TRPC7: variants seen among roughly 807,000 people sequenced by gnomAD.
The protein encoded by TRPC7 is transient receptor potential cation channel subfamily C member 7.
A neutral mutation model predicts 90.1 loss-of-function variants in TRPC7; 42 were observed. The ratio of observed to expected loss-of-function variants is 0.47; its 90% CI spans 0.36 to 0.60. TRPC7 has a LOEUF of 0.60. TRPC7 is among the 20% of genes least tolerant of loss of function. The probability of loss-of-function intolerance (pLI) is 0.00; values close to 1 mark genes in which losing one functional copy is unlikely to be tolerated. For missense variants in TRPC7, 955 were observed against 1,112.3 expected, an observed-to-expected ratio of 0.86 and a Z score of 2.01; for synonymous variants, 451 against 436.3, an observed-to-expected ratio of 1.03 and a Z score of -0.42.
intron 2 of TRPC7, among the ~76,000 whole-genome samples, chr5:136,339,499 A>G (rs1759776443): frequency 6.6e-6 from 1 of 152,212 alleles, no homozygotes; most frequent in South Asian, 2.1e-4. Flanking sequence ...TTGGTCCTAT[A>G]GATAACATCA....
intron 3 of TRPC7, among the ~76,000 whole-genome samples, chr5:136,288,236 G>GAGAT (rs970439418): frequency 1.5e-4 from 23 of 152,120 alleles, no homozygotes; most frequent in African/African-American, 4.6e-4. Context: ...GTTAATATGT[G>GAGAT]AGATATCTTA....
At chr5:136,337,715 A>T (rs1489388279) in intron 2 of TRPC7, among the ~76,000 whole-genome samples, 1 of 152,092 alleles carries the variant, frequency 6.6e-6, no homozygotes, top group African/African-American at 2.4e-5. Context: ...CAAATTTCCA[A>T]TGTGCTATGA....
chr5:136,220,677 C>T (rs566513530), intron 10 of TRPC7, among the ~76,000 whole-genome samples: 8 of 151,384 alleles, frequency 5.3e-5, no homozygotes, highest in African/African-American at 1.7e-4. Flanking sequence ...TTTGCTTTGC[C>T]CTTTGCCTTG....
intron 3 of TRPC7, among the ~76,000 whole-genome samples, chr5:136,301,587 C>A (rs62385826): frequency 0.019 from 2,856 of 152,172 alleles, 41 homozygotes; most frequent in Non-Finnish European, 0.029. Context: ...GTAATCTCCC[C>A]AACTCTTAAG....
chr5:136,266,191 A>C, intron 5 of TRPC7, 29 bp downstream of exon 5: 3 of 1,570,848 alleles, frequency 1.9e-6, no homozygotes, highest in Non-Finnish European at 2.6e-6. Flanking sequence ...ATTAGCAAGG[A>C]GAGAATAAAA....
chr5:136,316,354 A>G (rs909984335), intron 2 of TRPC7, among the ~76,000 whole-genome samples: 19 of 151,828 alleles, frequency 1.3e-4, no homozygotes, highest in Non-Finnish European at 2.4e-4. Context: ...CTAAAATTGG[A>G]AAAAAAAATT....
In TRPC7 at chr5:136,247,795, C is replaced by G; in HGVS notation, c.1580-60G>C. 6.4e-7 allele frequency: 1 copy of G among 1,551,478 alleles called. No individual in the cohort carries two copies. The highest frequency in any genetic ancestry group is 8.7e-7 in the Non-Finnish European group (1 of 1,148,680). On this transcript the variant is annotated intron_variant, in intron 6 of 11. Coordinates refer to ENST00000513104, the MANE Select transcript of TRPC7 (RefSeq NM_020389.3). The surrounding 1 kb of genome is among the most constrained non-coding windows in gnomAD (Gnocchi z 4.2). Reference sequence around the variant, plus strand: ...ACAGGATCTATTCTAGAAGAGAAACCAGTTAGGCATCTTTAGAGGTCTCCA... The same window carrying G: ...ACAGGATCTATTCTAGAAGAGAAACGAGTTAGGCATCTTTAGAGGTCTCCA...
chr5:136,280,042 C>T (rs529206282), intron 3 of TRPC7, among the ~76,000 whole-genome samples: 110 of 152,184 alleles, frequency 7.2e-4, no homozygotes, highest in African/African-American at 2.6e-3. Flanking sequence ...TGCCTGTAAT[C>T]CCAGCTACTT....
chr5:136,225,189 G>A (rs1755586280), intron 10 of TRPC7, 85 bp downstream of exon 10: 1 of 1,188,528 alleles, frequency 8.4e-7, no homozygotes, highest in Non-Finnish European at 1.2e-6. Flanking sequence ...TGTTCTCGGG[G>A]GATGACACAG....
intron 2 of TRPC7, among the ~76,000 whole-genome samples, chr5:136,352,883 G>A (rs770995752): frequency 3.6e-4 from 55 of 152,136 alleles, no homozygotes; most frequent in Admixed American, 1.3e-3. Flanking sequence ...GAGCTTCCTC[G>A]TTTCACTATA....
chr5:136,244,832 T>A (rs1303597568), intron 7 of TRPC7, among the ~76,000 whole-genome samples: 1 of 152,200 alleles, frequency 6.6e-6, no homozygotes, highest in African/African-American at 2.4e-5. Context: ...TCCAGCTGAT[T>A]CAACAATGTG....
intron 2 of TRPC7, among the ~76,000 whole-genome samples, chr5:136,324,454 C>G (rs2074257551): frequency 6.6e-6 from 1 of 152,096 alleles, no homozygotes; most frequent in Non-Finnish European, 1.5e-5. Flanking sequence ...AGCATATTCA[C>G]TATTTATTTC....
chr5:136,365,169 G>C, intron 1 of TRPC7, 84 bp downstream of exon 1: 1 of 1,433,082 alleles, frequency 7.0e-7, no homozygotes, highest in Non-Finnish European at 9.5e-7. Context: ...GCTGATAAAT[G>C]AAAGTTCAAT....
intron 2 of TRPC7, among the ~76,000 whole-genome samples, chr5:136,346,547 C>T (rs987965852): frequency 1.3e-5 from 2 of 152,146 alleles, no homozygotes; most frequent in Non-Finnish European, 2.9e-5. Context: ...ATACAACACA[C>T]ACATGTACAC....
Position 136,356,710 on chromosome 5 carries a change from C to G in TRPC7, c.678G>C (p.Ala226=). 1 of 1,611,270 alleles carries G rather than the reference C, an allele frequency of 6.2e-7. No homozygotes were observed. Among genetic ancestry groups the G allele is most frequent in the Non-Finnish European group, 8.5e-7 (1 of 1,178,318 alleles). The change falls in exon 2 of 12, where the codon GCG becomes GCC. Residue 226 remains alanine (A), a synonymous_variant. Transcript: ENST00000513104. The stretch of plus-strand genomic sequence containing the variant: ...TGGACAGGGACAAGTAGGCAGCACT[C>G]GCCAGTCCTTTGTAGGCGTTCATGC... ...RSRMNAYKGL[A]SAAYLSLSSE... is the part of the protein sequence containing the mutation.
Position 136,225,310 on chromosome 5 carries a change from T to C in TRPC7, c.2307A>G (p.Thr769=), listed in dbSNP as rs1755589318. Residue 769 remains threonine (T), a synonymous_variant, in exon 10 of 12, where the codon ACA becomes ACG. Transcript: ENST00000513104. ...TGGGCTTGCTCAAAGTGTTATTTGC[T>C]GTCAGATTTTCAGAATTCCTCATGC... ...QAGMRNSENL[T]ANNTLSKPTR... 6.2e-7 allele frequency: 1 copy of C among 1,613,300 alleles called. No homozygotes were observed.
intron 7 of TRPC7, among the ~76,000 whole-genome samples, chr5:136,236,286 C>T (rs941926077): frequency 6.6e-6 from 1 of 152,184 alleles, no homozygotes; most frequent in African/African-American, 2.4e-5. Context: ...AGCATACGTA[C>T]AGCCCCTCAG....
intron 4 of TRPC7, among the ~76,000 whole-genome samples, chr5:136,267,751 CT>C (rs1205976775): frequency 2.0e-5 from 3 of 152,080 alleles, no homozygotes; most frequent in Admixed American, 6.6e-5. Context: ...TAGTTTTTAT[CT>C]TTTTTAAAAA....
chr5:136,244,081 T>C (rs1229486946), intron 7 of TRPC7, among the ~76,000 whole-genome samples: 1 of 152,118 alleles, frequency 6.6e-6, no homozygotes, highest in Non-Finnish European at 1.5e-5. Flanking sequence ...TAGTTGAGAA[T>C]TGTGGCTAGG....
Sources: allele counts gnomAD v4.1 joint callset (sites outside exome capture counted in the v4.1 genomes callset), GRCh38; gene constraint gnomAD v4.1.1; non-coding constraint Gnocchi (gnomAD v3.1); transcripts MANE v1.5; gene names NCBI Gene and HGNC (gene_info 2026-07-23, HGNC 2026-07-21).